ZNF726: variants seen among roughly 807,000 people sequenced by gnomAD.
ZNF726 encodes the protein zinc finger protein 726.
A neutral mutation model predicts 11.6 loss-of-function variants in ZNF726; 15 were observed. The observed-to-expected ratio is 1.29, with a 90% CI of 0.86 to 1.99. The LOEUF is 1.99. Ranked by LOEUF, ZNF726 falls within the 30% of genes most tolerant of loss-of-function variation. The pLI is 0.00. For synonymous variants in ZNF726, 295 were observed against 243.6 expected, an observed-to-expected ratio of 1.21 and a Z score of -1.96; for missense variants, 890 against 725.6, an observed-to-expected ratio of 1.23 and a Z score of -2.60.
chr19:23,938,492 C>T (rs1373332441), downstream of ZNF726, among the ~76,000 whole-genome samples: 1 of 151,864 alleles, frequency 6.6e-6, no homozygotes, highest in Non-Finnish European at 1.5e-5. Context: ...ACTGTATAAC[C>T]TTTTGGCTTA....
chr19:23,927,399 TTTAC>T (rs2144978532), intron 3 of ZNF726, among the ~76,000 whole-genome samples: 1 of 152,338 alleles, frequency 6.6e-6, no homozygotes, highest in East Asian at 1.9e-4. Context: ...ATTGTTCAGT[TTTAC>T]TTTTAATTTC....
At position 23,932,758 on chromosome 19, in the gene ZNF726, A is replaced by G. The variant is rs1317908898; in HGVS notation, c.642A>G (p.Ser214=). 1 of 1,612,998 alleles carries G rather than the reference A, an allele frequency of 6.2e-7. No individual in the cohort carries two copies. The highest frequency in any genetic ancestry group is 8.5e-7 in the Non-Finnish European group (1 of 1,179,734). Residue 214 remains serine (S), a synonymous_variant, in exon 4 of 4, where the codon TCA becomes TCG. Transcript: ENST00000594466. ...GTGGAAAAACCTTTAATTGGTCCTC[A>G]ACCCTTACTAATCATAAGAAAACTC... ...KECGKTFNWS[S]TLTNHKKTHT...
intron 3 of ZNF726, among the ~76,000 whole-genome samples, chr19:23,925,711 TTC>T (rs1312880112): frequency 2.1e-5 from 3 of 142,710 alleles, no homozygotes; most frequent in Admixed American, 6.9e-5. Flanking sequence ...AGTTTTTCTT[TTC>T]TTTTTTTTTT....
Position 23,932,331 on chromosome 19 carries a change from A to T in ZNF726, c.227-12A>T, listed in dbSNP as rs532093827. On this transcript the variant is annotated splice_polypyrimidine_tract_variant and intron_variant, in intron 3 of 3. Transcript: ENST00000594466. ...ATAGTAAGTGGAGTAAATTATTTTAATTTTTTTTTAGGTATATGTCCTCAT... is the reference window on the plus strand; with the variant it reads ...ATAGTAAGTGGAGTAAATTATTTTATTTTTTTTTTAGGTATATGTCCTCAT... The T allele has an allele frequency of 1.5e-4, 201 of 1,314,424 alleles. No individual in the cohort carries two copies. The African/African-American group carries it at 2.2e-3, about 15-fold the overall frequency. The allele number at this position is 1,314,424 out of a possible 1,614,324, so 81.4% of individuals were successfully genotyped here. A position where few individuals can be genotyped will look rare whatever the true frequency, so the allele number is the denominator to read the frequency against.
rs547546458 is a variant in ZNF726, at chr19:23,934,387, C to T, written c.*420C>T. The T allele has an allele frequency of 1.5e-4, 74 of 507,046 alleles. No homozygotes were observed. The highest frequency in any genetic ancestry group is 1.1e-3 in the South Asian group (71 of 66,550). The allele number at this position is 507,046 out of a possible 1,614,324, so 31.4% of individuals were successfully genotyped here. On this transcript the variant is annotated 3_prime_UTR_variant, in exon 4 of 4. Coordinates refer to ENST00000594466, the MANE Select transcript of ZNF726 (RefSeq NM_001244038.2). ...TAATTCATACTGAAGAGAAACCCTA[C>T]AAATGTGAAAAATGTGTCAAAGCCT...
chr19:23,938,732 C>T (rs1457878424), downstream of ZNF726, among the ~76,000 whole-genome samples: 1 of 151,542 alleles, frequency 6.6e-6, no homozygotes, highest in East Asian at 1.9e-4. Flanking sequence ...CTCAGCCTCC[C>T]AAGTAGCTGG....
intron 3 of ZNF726, among the ~76,000 whole-genome samples, chr19:23,927,016 C>T (rs1029300175): frequency 5.9e-5 from 9 of 152,108 alleles, no homozygotes; most frequent in East Asian, 1.9e-4. Context: ...CTTGCTCTGT[C>T]GCCCAGGCTG....
At chr19:23,925,472 T>C (rs1967962523) in intron 3 of ZNF726, among the ~76,000 whole-genome samples, 1 of 151,972 alleles carries the variant, frequency 6.6e-6, no homozygotes, top group Non-Finnish European at 1.5e-5. Flanking sequence ...GATTACAGGC[T>C]TGAGCCACCA....
chr19:23,926,045 G>T (rs998310376), intron 3 of ZNF726, among the ~76,000 whole-genome samples: 1 of 151,986 alleles, frequency 6.6e-6, no homozygotes, highest in Non-Finnish European at 1.5e-5. Flanking sequence ...TATAGTTTTT[G>T]AATATTGACT....
rs112748423 is a variant in ZNF726 at position 23,924,107 on chromosome 19, G to A, written c.226+4025G>A. ...TTGCCGAGGCTGAAGTGTAATGCAC[G>A]ATCTTGACTCACTGCAACCTCTGTC... On this transcript the variant is annotated intron_variant, in intron 3 of 3. Transcript: ENST00000594466. Among the ~76,000 whole-genome samples, 1,054 of 150,910 alleles carry A rather than the reference G, an allele frequency of 7.0e-3. 14 individuals carry two copies. The highest frequency in any genetic ancestry group is 0.024 in the African/African-American group (995 of 41,058).
In ZNF726 at chr19:23,933,337, T is replaced by A; in HGVS notation, c.1221T>A (p.His407Gln). Residue 407 changes from histidine (H) to glutamine (Q), a missense_variant, in exon 4 of 4, where the codon CAT (histidine) becomes CAA (glutamine). His to Gln is a conservative substitution (Grantham distance 24, BLOSUM62 0). Coordinates refer to ENST00000594466, the MANE Select transcript of ZNF726 (RefSeq NM_001244038.2). Reference sequence around the variant, plus strand: ...GTGAAGAATGTGGCAAAGCTTTTCATCGATCCTCAAATCTTACTAAACATA... The same window carrying A: ...GTGAAGAATGTGGCAAAGCTTTTCAACGATCCTCAAATCTTACTAAACATA... ...YKCEECGKAF[H>Q]RSSNLTKHKI... 1 of 1,606,692 alleles carries A rather than the reference T, an allele frequency of 6.2e-7. No individual in the cohort carries two copies. Among genetic ancestry groups the A allele is most frequent in the Non-Finnish European group, 8.5e-7 (1 of 1,178,134 alleles).
downstream of ZNF726, chr19:23,936,149 C>G (rs1052263930): frequency 6.6e-6 from 1 of 152,114 alleles, no homozygotes; most frequent in African/African-American, 2.4e-5. Flanking sequence ...AGCGTTCATA[C>G]TAAAATATAT....
chr19:23,930,564 AT>A (rs1968082485), intron 3 of ZNF726, among the ~76,000 whole-genome samples: 1 of 152,110 alleles, frequency 6.6e-6, no homozygotes, highest in Non-Finnish European at 1.5e-5. Flanking sequence ...TGATAGAATT[AT>A]CTGTATGTTT....
chr19:23,931,603 A>G lies in ZNF726; in HGVS notation c.227-740A>G, dbSNP rs546844547. ...TCAGTTTTTTACATTAGAAAAATCTACCTGTCAAAATTTTTATAATGTGGC... is the reference window on the plus strand; with the variant it reads ...TCAGTTTTTTACATTAGAAAAATCTGCCTGTCAAAATTTTTATAATGTGGC... On this transcript the variant is annotated intron_variant, in intron 3 of 3. Transcript: ENST00000594466. Among the ~76,000 whole-genome samples, 6 of 152,310 alleles carry G rather than the reference A, an allele frequency of 3.9e-5. No homozygotes were observed. The East Asian group carries it at 5.8e-4, about 15-fold the overall frequency.
intron 3 of ZNF726, among the ~76,000 whole-genome samples, chr19:23,940,506 G>T (rs886375839): frequency 6.6e-6 from 1 of 151,706 alleles, no homozygotes; most frequent in Non-Finnish European, 1.5e-5. Context: ...TGTTAGAATC[G>T]TTTTTTTTAA....
At chr19:23,931,286 A>C (rs1004183687) in intron 3 of ZNF726, among the ~76,000 whole-genome samples, 2 of 152,104 alleles carry the variant, frequency 1.3e-5, no homozygotes, top group Non-Finnish European at 2.9e-5. Context: ...ACCGCAACTG[A>C]GCTTCTTTAT....
At chr19:23,943,610 C>A in intron 4 of ZNF726, 1 of 595,338 alleles carries the variant, frequency 1.7e-6, no homozygotes, top group Non-Finnish European at 3.1e-6. Flanking sequence ...ATGAATGAAG[C>A]CGATAACACA....
chr19:23,934,262 C>T lies in ZNF726; in HGVS notation c.*295C>T. ...GTGGCAAAGCATATGGTCCACACCC[C>T]TAAGTAGACATAAGAGGATGCACAC... On this transcript the variant is annotated 3_prime_UTR_variant, in exon 4 of 4. Transcript: ENST00000594466. The T allele has an allele frequency of 1.5e-6, 1 of 651,774 alleles. No homozygotes were observed. Among genetic ancestry groups the T allele is most frequent in the Non-Finnish European group, 2.9e-6 (1 of 341,592 alleles). 40.4% of individuals were successfully genotyped at this position (651,774 alleles called of 1,614,324 possible). A position where few individuals can be genotyped will look rare whatever the true frequency, so the allele number is the denominator to read the frequency against.
At chr19:23,935,420 T>C, downstream of ZNF726, 1 of 522,064 alleles carries the variant, frequency 1.9e-6, no homozygotes, top group Non-Finnish European at 3.9e-6. Context: ...AGTCCTCACA[T>C]CTTACTACAG....
Sources: allele counts gnomAD v4.1 joint callset (sites outside exome capture counted in the v4.1 genomes callset), GRCh38; gene constraint gnomAD v4.1.1; transcripts MANE v1.5; gene names NCBI Gene and HGNC (gene_info 2026-07-23, HGNC 2026-07-21).